Variants in DIS3L2 observed in about 807,000 individuals in gnomAD.
DIS3L2 encodes the protein DIS3 like 3'-5' exoribonuclease 2, also known as DIS3-like exonuclease 2.
Under a neutral mutation model 97.5 loss-of-function variants are expected in DIS3L2, and 34 were observed. That is an observed-to-expected ratio of 0.35 (90% confidence interval 0.27 to 0.46). DIS3L2 has a LOEUF of 0.46. Among genes scored for constraint, DIS3L2 ranks in the 20% least tolerant of loss-of-function variants. DIS3L2 has a pLI of 1.00. For missense variants in DIS3L2, 1,038 were observed against 1,146.0 expected, an observed-to-expected ratio of 0.91 and a Z score of 1.36; for synonymous variants, 435 against 445.2, an observed-to-expected ratio of 0.98 and a Z score of 0.29.
chr2:232,094,718 C>A (rs372672308), intron 6 of DIS3L2, among the ~76,000 whole-genome samples: 236 of 111,422 alleles, frequency 2.1e-3, no homozygotes, highest in African/African-American at 2.5e-3. Context: ...GACTCCATCT[C>A]AAAAAAAAAA....
At chr2:232,209,128 T>C (rs1304750789) in intron 9 of DIS3L2, among the ~76,000 whole-genome samples, 3 of 152,210 alleles carry the variant, frequency 2.0e-5, no homozygotes, top group Non-Finnish European at 4.4e-5. Flanking sequence ...TAATTAATAC[T>C]CTCTTAGGAT....
At chr2:232,247,635 G>GGGGGGGGGT (rs1693296401) in intron 11 of DIS3L2, among the ~76,000 whole-genome samples, 1 of 51,386 alleles carries the variant, frequency 1.9e-5, no homozygotes, top group Non-Finnish European at 4.4e-5. Context: ...GGGGGGGGGG[G>GGGGGGGGGT]CGGGGGGGAG....
intron 10 of DIS3L2, among the ~76,000 whole-genome samples, chr2:232,227,756 C>T (rs1559164595): frequency 6.6e-6 from 1 of 152,192 alleles, no homozygotes; most frequent in Non-Finnish European, 1.5e-5. Flanking sequence ...GAGCTTTTGC[C>T]TTTCAGAATT....
chr2:231,977,955 C>A (rs1162526100), intron 1 of DIS3L2, among the ~76,000 whole-genome samples: 1 of 152,154 alleles, frequency 6.6e-6, no homozygotes, highest in Admixed American at 6.5e-5. Flanking sequence ...TTTCTTGTAT[C>A]CCTGCCCTAC....
At chr2:232,315,150 TC>T (rs1166120097) in intron 14 of DIS3L2, among the ~76,000 whole-genome samples, 1 of 152,114 alleles carries the variant, frequency 6.6e-6, no homozygotes, top group Non-Finnish European at 1.5e-5. Flanking sequence ...TCAGGCCAGG[TC>T]CCTGTTTGAT....
chr2:232,181,459 C>T (rs1416680381), intron 9 of DIS3L2, among the ~76,000 whole-genome samples: 6 of 152,044 alleles, frequency 3.9e-5, no homozygotes, highest in African/African-American at 9.7e-5. Context: ...ACCAATGAGA[C>T]GTAGATTTGG....
At chr2:232,097,415 C>T (rs1697052838) in intron 6 of DIS3L2, among the ~76,000 whole-genome samples, 1 of 152,122 alleles carries the variant, frequency 6.6e-6, no homozygotes, top group Non-Finnish European at 1.5e-5. Context: ...AACCACAACC[C>T]AACAACCTGT....
intron 8 of DIS3L2, among the ~76,000 whole-genome samples, chr2:232,155,651 C>T (rs1309973061): frequency 6.6e-6 from 1 of 152,092 alleles, no homozygotes; most frequent in African/African-American, 2.4e-5. Context: ...ATCTCTAGCT[C>T]CTTCCTTCAG....
intron 5 of DIS3L2, among the ~76,000 whole-genome samples, chr2:232,071,094 T>G (rs1696003848): frequency 6.6e-6 from 1 of 152,186 alleles, no homozygotes. Context: ...TTTCTCCAAA[T>G]CTATTTTTCT....
At chr2:232,270,896 CTCTCTCTCTCT>C (rs1693984180) in intron 13 of DIS3L2, among the ~76,000 whole-genome samples, 1 of 144,464 alleles carries the variant, frequency 6.9e-6, no homozygotes, top group Admixed American at 6.7e-5. Flanking sequence ...CTCTCTCTCT[CTCTCTCTCTCT>C]CTCTCTCTGT....
At chr2:232,069,574 A>G (rs1695953114) in intron 5 of DIS3L2, among the ~76,000 whole-genome samples, 2 of 152,234 alleles carry the variant, frequency 1.3e-5, no homozygotes, top group Admixed American at 1.3e-4. Flanking sequence ...CTGTGGTGAT[A>G]GATGGAGGAA....
At chr2:232,005,823 T>C (rs1282241890) in intron 1 of DIS3L2, among the ~76,000 whole-genome samples, 2 of 152,220 alleles carry the variant, frequency 1.3e-5, no homozygotes, top group Non-Finnish European at 1.5e-5. Flanking sequence ...GAAAAACTTA[T>C]AGTAAGAGAT....
intron 14 of DIS3L2, among the ~76,000 whole-genome samples, chr2:232,305,198 C>A (rs1343204150): frequency 6.6e-6 from 1 of 152,166 alleles, no homozygotes; most frequent in Non-Finnish European, 1.5e-5. Flanking sequence ...GCCTCAGCCT[C>A]CTGAGTAGCT....
At chr2:232,156,464 T>G (rs1469222054) in intron 8 of DIS3L2, among the ~76,000 whole-genome samples, 2 of 152,178 alleles carry the variant, frequency 1.3e-5, no homozygotes, top group Non-Finnish European at 2.9e-5. Context: ...CATTTCTTTT[T>G]CTTGCTCCTT....
intron 4 of DIS3L2, among the ~76,000 whole-genome samples, chr2:232,027,028 G>T (rs1574821942): frequency 6.6e-6 from 1 of 152,056 alleles, no homozygotes; most frequent in African/African-American, 2.4e-5. Flanking sequence ...CCCATTGCAA[G>T]TGATTGTATA....
intron 5 of DIS3L2, among the ~76,000 whole-genome samples, chr2:232,041,829 T>TA (rs1385749697): frequency 9.2e-5 from 14 of 152,364 alleles, no homozygotes; most frequent in African/African-American, 3.4e-4. Flanking sequence ...GATACATTGA[T>TA]ACCTGTTGGA....
chr2:232,255,570 C>T (rs368208490), intron 12 of DIS3L2, among the ~76,000 whole-genome samples: 1 of 152,124 alleles, frequency 6.6e-6, no homozygotes, highest in African/African-American at 2.4e-5. Flanking sequence ...GGTCAATAAA[C>T]GCTGAATAAT....
chr2:232,249,339 A>C lies in DIS3L2; in HGVS notation c.1418A>C (p.Glu473Ala), dbSNP rs766892626. 1.2e-6 allele frequency: 2 copies of C among 1,614,042 alleles called. No homozygotes were observed. Among genetic ancestry groups the C allele is most frequent in the African/African-American group, 2.7e-5 (2 of 74,934 alleles). The change falls in exon 12 of 21, where the codon GAG becomes GCG. Residue 473 changes from glutamate (E) to alanine (A), a missense_variant. Around this residue, in one of 3 missense-constraint regions of DIS3L2, gnomAD observed 813 missense variants for 880.1 expected, o/e 0.92. Coordinates refer to ENST00000325385, the MANE Select transcript of DIS3L2 (RefSeq NM_152383.5). ...TFSVIWTLTP[E>A]GKILDEWFGR... is the part of the protein sequence containing the mutation. The stretch of plus-strand genomic sequence containing the variant: ...TCTGTGATCTGGACACTGACTCCAG[A>C]GGGCAAGGTAACAACTTACACGTTT...
rs955890303 is a variant in DIS3L2, at chr2:232,304,074, C to T, written c.1739+3955C>T. On this transcript the variant is annotated intron_variant, in intron 14 of 20. Coordinates refer to ENST00000325385, the MANE Select transcript of DIS3L2 (RefSeq NM_152383.5). ...CTCCACCCTGAATTATTCTGTCAGCCTCCCAAAAGCTGCTCCAGTCTGCAT... is the reference window on the plus strand; with the variant it reads ...CTCCACCCTGAATTATTCTGTCAGCTTCCCAAAAGCTGCTCCAGTCTGCAT... Among the ~76,000 whole-genome samples the T allele has an allele frequency of 3.9e-5, 6 of 152,096 alleles. No homozygotes were observed. In the South Asian group the frequency reaches 1.2e-3, roughly 32 times the overall value.
Sources: allele counts gnomAD v4.1 joint callset (sites outside exome capture counted in the v4.1 genomes callset), GRCh38; gene constraint gnomAD v4.1.1; regional missense constraint gnomAD v4.1.1; transcripts MANE v1.5; gene names NCBI Gene and HGNC (gene_info 2026-07-23, HGNC 2026-07-21).